The following LHPP variants were observed in gnomAD, a reference collection of about 807,000 sequenced individuals.
The protein encoded by LHPP is phospholysine phosphohistidine inorganic pyrophosphate phosphatase.
In LHPP, 24 loss-of-function variants were observed where a neutral mutation model predicts 30.3. That is an observed-to-expected ratio of 0.79 (90% CI 0.57 to 1.11). The LOEUF (loss-of-function observed/expected upper bound fraction) is 1.11. Among genes scored for constraint, LHPP ranks in the 50% most tolerant of loss-of-function variants. The probability of loss-of-function intolerance (pLI) is 0.00; values close to 1 mark genes in which losing one functional copy is unlikely to be tolerated. For synonymous variants in LHPP, 150 were observed against 157.1 expected, an observed-to-expected ratio of 0.95 and a Z score of 0.34; for missense variants, 356 against 367.2, an observed-to-expected ratio of 0.97 and a Z score of 0.25.
intron 6 of LHPP, among the ~76,000 whole-genome samples, chr10:124,529,823 A>ACT (rs5788668): frequency 2.0e-5 from 3 of 151,564 alleles, no homozygotes; most frequent in African/African-American, 7.3e-5. Flanking sequence ...GCACACACAC[A>ACT]CACACACACA....
At chr10:124,606,042 G>T (rs535901054) in intron 6 of LHPP, among the ~76,000 whole-genome samples, 7 of 152,170 alleles carry the variant, frequency 4.6e-5, no homozygotes, top group South Asian at 4.1e-4. Context: ...GCGCAAGGAT[G>T]GGGGAGGTAC....
At chr10:124,528,701 G>A (rs1272803508) in intron 6 of LHPP, among the ~76,000 whole-genome samples, 2 of 152,198 alleles carry the variant, frequency 1.3e-5, no homozygotes, top group Admixed American at 6.5e-5. Context: ...CACTGCCCAC[G>A]GGAGGAGGCC....
Position 124,546,823 on chromosome 10 carries a change from C to T in LHPP, c.716+29552C>T, listed in dbSNP as rs536434170. Among the ~76,000 whole-genome samples, 6 of 152,272 alleles carry T rather than the reference C, an allele frequency of 3.9e-5. No individual in the cohort carries two copies. In the South Asian group the frequency reaches 8.3e-4, roughly 21 times the overall value. On this transcript the variant is annotated intron_variant, in intron 6 of 6. Transcript: ENST00000368842. Reference sequence around the variant, plus strand: ...GCTTCGGTTGCTGTTTGTCCACAGGCGTACTTACTTTGTTTTATATCAGTT... The same window carrying T: ...GCTTCGGTTGCTGTTTGTCCACAGGTGTACTTACTTTGTTTTATATCAGTT...
chr10:124,539,653 T>C (rs1037305961), intron 6 of LHPP, among the ~76,000 whole-genome samples: 1 of 151,024 alleles, frequency 6.6e-6, no homozygotes, highest in Non-Finnish European at 1.5e-5. Context: ...GGAGAATCAC[T>C]TGAACCTGGG....
At chr10:124,552,945 A>C (rs1948200976) in intron 6 of LHPP, among the ~76,000 whole-genome samples, 1 of 152,274 alleles carries the variant, frequency 6.6e-6, no homozygotes, top group Admixed American at 6.5e-5. Flanking sequence ...TAATTAAGGC[A>C]ACCGTAATTA....
intron 2 of LHPP, among the ~76,000 whole-genome samples, chr10:124,487,955 T>C (rs1373307156): frequency 2.6e-5 from 4 of 152,212 alleles, no homozygotes; most frequent in Admixed American, 2.6e-4. Context: ...GATGGAATTC[T>C]GCTTTTTCTT....
chr10:124,489,814 T>C (rs1237723855), intron 3 of LHPP: 2 of 207,514 alleles, frequency 9.6e-6, no homozygotes, highest in East Asian at 1.6e-4. Context: ...AAAATAACCC[T>C]CACCAGTTTT....
chr10:124,503,237 T>C lies in LHPP; in HGVS notation c.624+5109T>C, dbSNP rs372627936. Reference sequence around the variant, plus strand: ...ATGTGCCACCACGCCCATCTAATTTTGTGTTTTTAGTAGAGACGGGGTTTC... The same window carrying C: ...ATGTGCCACCACGCCCATCTAATTTCGTGTTTTTAGTAGAGACGGGGTTTC... On this transcript the variant is annotated intron_variant, in intron 5 of 6. Coordinates refer to ENST00000368842, the MANE Select transcript of LHPP (RefSeq NM_022126.4). 9.7e-4 allele frequency among the ~76,000 whole-genome samples: 146 copies of C among 150,176 alleles called. 1 individual carries two copies. Among genetic ancestry groups the C allele is most frequent in the Middle Eastern group, 3.4e-3 (1 of 294 alleles).
At chr10:124,465,533 A>G in intron 1 of LHPP, among the ~76,000 whole-genome samples, 1 of 152,240 alleles carries the variant, frequency 6.6e-6, no homozygotes, top group East Asian at 1.9e-4. Flanking sequence ...AACAACGAAC[A>G]AGCAGCCCAA....
intron 5 of LHPP, among the ~76,000 whole-genome samples, chr10:124,509,455 G>T (rs1954245756): frequency 6.6e-6 from 1 of 152,098 alleles, no homozygotes; most frequent in Non-Finnish European, 1.5e-5. Context: ...AGGCTGTGAT[G>T]CATGTTGCTT....
chr10:124,481,689 C>G (rs185539865), intron 1 of LHPP, among the ~76,000 whole-genome samples: 102 of 152,186 alleles, frequency 6.7e-4, no homozygotes, highest in African/African-American at 2.3e-3. Context: ...CCTTATCTGC[C>G]CTCTCAGTGG....
At position 124,610,918 on chromosome 10, in the gene LHPP, T is replaced by C. The variant is rs879228580; in HGVS notation, c.717-2346T>C. ...GTGAGGGTGAGGGTGAGGGTGCTGA[T>C]GGAGCGGGCGAGGGTGAGGGTGAGG... On this transcript the variant is annotated intron_variant, in intron 6 of 6. Coordinates refer to ENST00000368842, the MANE Select transcript of LHPP (RefSeq NM_022126.4). Among the ~76,000 whole-genome samples the C allele has an allele frequency of 6.7e-4, 46 of 69,122 alleles. 2 individuals carry two copies. The highest frequency in any genetic ancestry group is 1.2e-3 in the Admixed American group (7 of 6,050). The allele number at this position is 69,122 out of a possible 152,430, so 45.3% of individuals were successfully genotyped here.
intron 6 of LHPP, among the ~76,000 whole-genome samples, chr10:124,525,703 G>A (rs867892795): frequency 3.9e-5 from 6 of 152,370 alleles, no homozygotes; most frequent in Non-Finnish European, 7.3e-5. Flanking sequence ...GGCAGCATCA[G>A]CTTCCTCCTC....
At chr10:124,489,272 C>G (rs779708426) in intron 3 of LHPP, among the ~76,000 whole-genome samples, 2 of 152,204 alleles carry the variant, frequency 1.3e-5, no homozygotes, top group Non-Finnish European at 2.9e-5. Flanking sequence ...GGTGTATGTC[C>G]TTGCAAGTGG....
At chr10:124,474,896 C>A (rs1952893873) in intron 1 of LHPP, among the ~76,000 whole-genome samples, 1 of 152,158 alleles carries the variant, frequency 6.6e-6, no homozygotes, top group Non-Finnish European at 1.5e-5. Context: ...GCCTCCTTCC[C>A]AGGGCACCTG....
chr10:124,522,168 C>G (rs1486964150), intron 6 of LHPP, among the ~76,000 whole-genome samples: 1 of 152,168 alleles, frequency 6.6e-6, no homozygotes, highest in Non-Finnish European at 1.5e-5. Flanking sequence ...GCCCAAGAGC[C>G]CTGGACAGGG....
chr10:124,538,189 G>GGGTTCACCATGCA (rs1564817535), intron 6 of LHPP, among the ~76,000 whole-genome samples: 1 of 149,328 alleles, frequency 6.7e-6, no homozygotes, highest in Non-Finnish European at 1.5e-5. Flanking sequence ...GTCACCATGC[G>GGGTTCACCATGCA]GGGTCACCAT....
At chr10:124,612,574 C>T (rs1182692266) in intron 6 of LHPP, among the ~76,000 whole-genome samples, 3 of 152,176 alleles carry the variant, frequency 2.0e-5, no homozygotes, top group Non-Finnish European at 2.9e-5. Flanking sequence ...GCCCGGAGGC[C>T]TCTGCACTGT....
intron 6 of LHPP, among the ~76,000 whole-genome samples, chr10:124,531,463 A>G (rs985927459): frequency 3.3e-5 from 5 of 152,216 alleles, no homozygotes; most frequent in African/African-American, 7.2e-5. Flanking sequence ...AGCTTTGCCA[A>G]TCATTCCATG....
Sources: gnomAD v4.1 joint callset for allele counts (sites outside exome capture counted in the v4.1 genomes callset) on GRCh38, gnomAD v4.1.1 for gene constraint, MANE v1.5 for transcripts, NCBI Gene and HGNC (gene_info 2026-07-23, HGNC 2026-07-21) for gene names.